The following MPPED2 variants were observed in gnomAD, a reference collection of about 807,000 sequenced individuals.
MPPED2 encodes the protein metallophosphoesterase domain containing 2.
A neutral mutation model predicts 33.0 loss-of-function variants in MPPED2; 5 were observed. The observed-to-expected ratio is 0.15, with a 90% CI of 0.08 to 0.32. MPPED2 has a LOEUF of 0.32. Ranked by LOEUF, MPPED2 falls within the 10% of genes least tolerant of loss-of-function variation. MPPED2 has a pLI of 1.00. For missense variants in MPPED2, 275 were observed against 372.1 expected (o/e 0.74, Z 2.15); for synonymous variants, 136 against 141.9 (o/e 0.96, Z 0.29).
chr11:30,409,610 C>T (rs185233267), downstream of MPPED2, among the ~76,000 whole-genome samples: 3 of 152,312 alleles, frequency 2.0e-5, no homozygotes, highest in East Asian at 5.8e-4. Flanking sequence ...AAAGGATCCA[C>T]AATAGGTAGG....
chr11:30,519,797 C>T (rs185068968), intron 3 of MPPED2, among the ~76,000 whole-genome samples: 6 of 152,174 alleles, frequency 3.9e-5, no homozygotes, highest in Non-Finnish European at 5.9e-5. Context: ...ACCATCACCA[C>T]CACTAACATT....
intron 4 of MPPED2, among the ~76,000 whole-genome samples, chr11:30,445,758 C>T (rs1454359555): frequency 6.6e-6 from 1 of 152,198 alleles, no homozygotes; most frequent in African/African-American, 2.4e-5. Context: ...CTTCAAGGCT[C>T]ATCCATGTAG....
At chr11:30,505,125 C>T (rs959985716) in intron 3 of MPPED2, among the ~76,000 whole-genome samples, 2 of 152,198 alleles carry the variant, frequency 1.3e-5, no homozygotes, top group Non-Finnish European at 2.9e-5. Context: ...CAGGTAACAA[C>T]TGACAAGTGC....
intron 2 of MPPED2, among the ~76,000 whole-genome samples, chr11:30,566,972 C>T (rs560421630): frequency 6.6e-6 from 1 of 152,270 alleles, no homozygotes; most frequent in African/African-American, 2.4e-5. Flanking sequence ...GTGAAGAAGA[C>T]TGTCAACATT....
chr11:30,421,155 C>A (rs971498287), intron 4 of MPPED2, among the ~76,000 whole-genome samples: 2 of 152,148 alleles, frequency 1.3e-5, no homozygotes, highest in African/African-American at 4.8e-5. Context: ...AATCTCTGAA[C>A]CCACAGGACA....
chr11:30,393,666 T>C (rs560851532), intron 6 of MPPED2, among the ~76,000 whole-genome samples: 1 of 152,362 alleles, frequency 6.6e-6, no homozygotes, highest in Admixed American at 6.5e-5. Flanking sequence ...AATAAACATT[T>C]GCCCAATAAA....
intron 3 of MPPED2, among the ~76,000 whole-genome samples, chr11:30,498,474 G>A (rs987480676): frequency 3.3e-5 from 5 of 151,316 alleles, no homozygotes; most frequent in Admixed American, 2.0e-4. Flanking sequence ...CTTGAACCCC[G>A]GAGGTGCAGG....
chr11:30,527,956 T>C (rs1954292056), intron 3 of MPPED2, among the ~76,000 whole-genome samples: 1 of 152,250 alleles, frequency 6.6e-6, no homozygotes, highest in Admixed American at 6.5e-5. Flanking sequence ...CTCCTTTATC[T>C]TACTTAACTT....
chr11:30,415,478 T>C (rs1162809472), intron 5 of MPPED2, among the ~76,000 whole-genome samples: 1 of 152,222 alleles, frequency 6.6e-6, no homozygotes, highest in Non-Finnish European at 1.5e-5. Context: ...CAGTGAAGTC[T>C]CACGGCACTG....
At chr11:30,515,578 TC>T (rs1178630210) in intron 3 of MPPED2, among the ~76,000 whole-genome samples, 2 of 152,154 alleles carry the variant, frequency 1.3e-5, no homozygotes, top group Non-Finnish European at 2.9e-5. Context: ...TGAATTCCTT[TC>T]CAAGTAGGTA....
At chr11:30,466,683 A>C (rs1249327348) in intron 4 of MPPED2, among the ~76,000 whole-genome samples, 3 of 152,246 alleles carry the variant, frequency 2.0e-5, no homozygotes, top group African/African-American at 7.2e-5. Flanking sequence ...ACCAAAGGTT[A>C]GACCAGAAAC....
chr11:30,449,299 C>T (rs1041898417), intron 4 of MPPED2, among the ~76,000 whole-genome samples: 4 of 152,062 alleles, frequency 2.6e-5, no homozygotes, highest in African/African-American at 9.7e-5. Flanking sequence ...GATATGCCAC[C>T]CCCAACTATG....
In MPPED2 at chr11:30,580,438, T is replaced by C; in HGVS notation, c.-65A>G. 6.3e-7 allele frequency: 1 copy of C among 1,591,800 alleles called. No individual in the cohort carries two copies. Among genetic ancestry groups the C allele is most frequent in the Non-Finnish European group, 8.6e-7 (1 of 1,166,450 alleles). On this transcript the variant is annotated 5_prime_UTR_variant, in exon 2 of 7. Coordinates refer to ENST00000358117, the MANE Select transcript of MPPED2 (RefSeq NM_001584.3). ...GAGCAAAAGATGGAAGCAGGCATGG[T>C]GCGTTTCAGCCAACCTCTGAATCCA...
chr11:30,566,858 C>T (rs1956465205), intron 2 of MPPED2, among the ~76,000 whole-genome samples: 1 of 152,162 alleles, frequency 6.6e-6, no homozygotes, highest in Admixed American at 6.6e-5. Context: ...AGGACAGTAT[C>T]ACTCACAGGT....
rs553174867 is a variant in MPPED2, at chr11:30,458,137, G to C, written c.536+37159C>G. Among the ~76,000 whole-genome samples the C allele has an allele frequency of 6.6e-5, 10 of 152,266 alleles. No individual in the cohort carries two copies. The South Asian group carries it at 8.3e-4, about 13-fold the overall frequency. On this transcript the variant is annotated intron_variant, in intron 4 of 6. Transcript: ENST00000358117. ...GCTTATTTTCTCTCGTGCCTAATGA[G>C]AGATTAAGATGAAATGATCTCAAAG...
intron 3 of MPPED2, among the ~76,000 whole-genome samples, chr11:30,518,186 G>T (rs540883855): frequency 4.6e-5 from 7 of 152,218 alleles, no homozygotes; most frequent in Admixed American, 3.9e-4. Flanking sequence ...TCTTTTAACC[G>T]ACAGTCTCCA....
intron 6 of MPPED2, among the ~76,000 whole-genome samples, chr11:30,412,263 C>G (rs1948140717): frequency 6.7e-6 from 1 of 149,884 alleles, no homozygotes; most frequent in African/African-American, 2.5e-5. Flanking sequence ...AGCAAAAACA[C>G]TTCCCATATG....
At chr11:30,525,720 C>T (rs1275926819) in intron 3 of MPPED2, among the ~76,000 whole-genome samples, 1 of 152,174 alleles carries the variant, frequency 6.6e-6, no homozygotes, top group Non-Finnish European at 1.5e-5. Context: ...AGAGATAATA[C>T]TATCTGCCCA....
At chr11:30,564,735 A>G (rs1956370026) in intron 2 of MPPED2, among the ~76,000 whole-genome samples, 1 of 152,196 alleles carries the variant, frequency 6.6e-6, no homozygotes, top group African/African-American at 2.4e-5. Context: ...ACTCGACTAC[A>G]TGTTCTTAAT....
Sources: gnomAD v4.1 joint callset for allele counts (sites outside exome capture counted in the v4.1 genomes callset) on GRCh38, gnomAD v4.1.1 for gene constraint, MANE v1.5 for transcripts, NCBI Gene and HGNC (gene_info 2026-07-23, HGNC 2026-07-21) for gene names.